Variants in STK32A observed in about 807,000 individuals in gnomAD.
The protein encoded by STK32A is serine/threonine-protein kinase 32A.
A neutral mutation model predicts 53.2 loss-of-function variants in STK32A; 41 were observed. The ratio of observed to expected loss-of-function variants is 0.77; its 90% CI spans 0.60 to 1.00. STK32A has a LOEUF of 1.00. Ranked by LOEUF, STK32A falls within the 50% of genes least tolerant of loss-of-function variation. STK32A has a pLI of 0.00. For missense variants in STK32A, 458 were observed against 485.8 expected, an observed-to-expected ratio of 0.94 and a Z score of 0.54; for synonymous variants, 166 against 162.8, an observed-to-expected ratio of 1.02 and a Z score of -0.15.
In STK32A at chr5:147,264,637, A is replaced by G. The variant is rs1754727393; in HGVS notation, c.53-13487A>G. Reference sequence around the variant, plus strand: ...AAAATTATTATGCCAGATGTATTAGAAAGATGGAGGCATGTTGGGATAAAA... The same window carrying G: ...AAAATTATTATGCCAGATGTATTAGGAAGATGGAGGCATGTTGGGATAAAA... On this transcript the variant is annotated intron_variant, in intron 2 of 12. Transcript: ENST00000397936. Among the ~76,000 whole-genome samples the G allele has an allele frequency of 2.0e-5, 3 of 152,234 alleles. No homozygotes were observed. In the South Asian group the frequency reaches 6.2e-4, roughly 32 times the overall value.
At chr5:147,345,566 C>T (rs17482401) in intron 6 of STK32A, among the ~76,000 whole-genome samples, 33,243 of 152,136 alleles carry the variant, frequency 0.22, 4,319 homozygotes, top group Middle Eastern at 0.33. Context: ...ACCAAATATT[C>T]TGCTTGTCTA....
chr5:147,401,486 G>A, the STK32A span: 1 of 1,542,782 alleles, frequency 6.5e-7, no homozygotes, highest in Non-Finnish European at 8.8e-7. Flanking sequence ...ACCCCCAGCT[G>A]GACTCAAGAG....
chr5:147,330,307 A>C (rs1383368454), intron 5 of STK32A, among the ~76,000 whole-genome samples: 12 of 152,210 alleles, frequency 7.9e-5, no homozygotes, highest in Admixed American at 2.6e-4. Flanking sequence ...CAAGGAGAAG[A>C]ATACCGTAGA....
intron 8 of STK32A, among the ~76,000 whole-genome samples, chr5:147,366,190 C>G (rs1479768162): frequency 6.6e-6 from 1 of 152,114 alleles, no homozygotes; most frequent in East Asian, 1.9e-4. Context: ...ATTTCTGACC[C>G]TTCATGAACT....
At chr5:147,391,256 A>G (rs554721306), downstream of STK32A, 2 of 152,704 alleles carry the variant, frequency 1.3e-5, no homozygotes, top group South Asian at 4.1e-4. Context: ...GTCGTGAAGA[A>G]CAAGGCTGAG....
At chr5:147,338,621 A>C (rs1237962480) in intron 5 of STK32A, among the ~76,000 whole-genome samples, 1 of 152,192 alleles carries the variant, frequency 6.6e-6, no homozygotes, top group African/African-American at 2.4e-5. Flanking sequence ...GACTTGTTGA[A>C]TGGCTTTGAC....
At chr5:147,288,627 A>G (rs1283732545) in intron 4 of STK32A, among the ~76,000 whole-genome samples, 2 of 152,104 alleles carry the variant, frequency 1.3e-5, no homozygotes, top group African/African-American at 4.8e-5. Flanking sequence ...CAGGAGCAAG[A>G]GAGAGGAGGA....
At chr5:147,388,161 G>A (rs2152011104), downstream of STK32A, among the ~76,000 whole-genome samples, 1 of 152,248 alleles carries the variant, frequency 6.6e-6, no homozygotes, top group South Asian at 2.1e-4. Flanking sequence ...AAGTCCATGG[G>A]CAGCCTATGC....
chr5:147,372,042 G>A (rs776778171), intron 9 of STK32A, among the ~76,000 whole-genome samples: 13 of 151,918 alleles, frequency 8.6e-5, no homozygotes, highest in Non-Finnish European at 1.8e-4. Context: ...ATGAGGGTAG[G>A]GACCATGTCT....
At chr5:147,258,625 T>A (rs1226067061) in intron 2 of STK32A, among the ~76,000 whole-genome samples, 1 of 151,788 alleles carries the variant, frequency 6.6e-6, no homozygotes, top group East Asian at 1.9e-4. Context: ...AACAACTAGT[T>A]AATTTATTTT....
At chr5:147,381,306 T>C (rs567148676) in intron 11 of STK32A, among the ~76,000 whole-genome samples, 1 of 152,302 alleles carries the variant, frequency 6.6e-6, no homozygotes, top group Admixed American at 6.5e-5. Context: ...TTTTTCTCTC[T>C]TGCTGCTTTC....
chr5:147,257,102 G>A (rs1216622614), intron 2 of STK32A, among the ~76,000 whole-genome samples: 1 of 152,168 alleles, frequency 6.6e-6, no homozygotes. Flanking sequence ...TATAGGTTTA[G>A]CTGACAGCTG....
chr5:147,235,223 GAAT>G (rs1398508910), intron 1 of STK32A, 24 bp downstream of exon 1: 5 of 152,410 alleles, frequency 3.3e-5, no homozygotes, highest in Non-Finnish European at 7.3e-5. Context: ...TAGATTTAAC[GAAT>G]AATAACAATA....
intron 4 of STK32A, among the ~76,000 whole-genome samples, chr5:147,313,248 AAATAAC>A (rs958418997): frequency 6.6e-6 from 1 of 152,052 alleles, no homozygotes; most frequent in African/African-American, 2.4e-5. Flanking sequence ...AAACAAAACA[AAATAAC>A]AACAACAACA....
intron 6 of STK32A, among the ~76,000 whole-genome samples, chr5:147,343,439 C>T (rs1226617031): frequency 6.6e-6 from 1 of 152,196 alleles, no homozygotes; most frequent in Non-Finnish European, 1.5e-5. Context: ...ACATTAATGA[C>T]ATTATTTTGT....
At chr5:147,266,757 G>T (rs56252315) in intron 2 of STK32A, among the ~76,000 whole-genome samples, 6,012 of 152,172 alleles carry the variant, frequency 0.04, 172 homozygotes, top group Middle Eastern at 0.099. Context: ...GGGCGTGATG[G>T]CTCATACCTG....
intron 2 of STK32A, among the ~76,000 whole-genome samples, chr5:147,253,643 A>C (rs1580991903): frequency 6.6e-6 from 1 of 152,288 alleles, no homozygotes; most frequent in South Asian, 2.1e-4. Flanking sequence ...GGCATAAGCC[A>C]CCATGCCCAG....
At chr5:147,292,915 T>A (rs1015668873) in intron 4 of STK32A, among the ~76,000 whole-genome samples, 1 of 152,196 alleles carries the variant, frequency 6.6e-6, no homozygotes, top group Non-Finnish European at 1.5e-5. Context: ...TGTAGTTAAC[T>A]CTTGTTCTGT....
chr5:147,314,507 C>CAAAAAAAACAAAAAAAAAAAAA (rs1561713376), intron 4 of STK32A, among the ~76,000 whole-genome samples: 5 of 12,768 alleles, frequency 3.9e-4, no homozygotes, highest in African/African-American at 7.1e-4. Flanking sequence ...TCAAAAAAAA[C>CAAAAAAAACAAAAAAAAAAAAA]AAAAAAAAAC....
Sources: gnomAD v4.1 joint callset for allele counts (sites outside exome capture counted in the v4.1 genomes callset) on GRCh38, gnomAD v4.1.1 for gene constraint, MANE v1.5 for transcripts, NCBI Gene and HGNC (gene_info 2026-07-23, HGNC 2026-07-21) for gene names.